The following ECT2L variants were observed in gnomAD, a reference collection of about 807,000 sequenced individuals.
ECT2L encodes epithelial cell transforming 2 like.
A neutral mutation model predicts 122.8 loss-of-function variants in ECT2L; 126 were observed. That is an observed-to-expected ratio of 1.03 (90% CI 0.89 to 1.19). The LOEUF is 1.19. Among genes scored for constraint, ECT2L ranks in the 50% most tolerant of loss-of-function variants. ECT2L has a pLI of 0.00. For missense variants in ECT2L, 1,012 were observed against 1,064.1 expected (o/e 0.95, Z 0.68); for synonymous variants, 385 against 381.8 (o/e 1.01, Z -0.10).
chr6:138,890,533 T>C (rs1205060146), intron 20 of ECT2L, among the ~76,000 whole-genome samples: 2 of 125,144 alleles, frequency 1.6e-5, no homozygotes, highest in Non-Finnish European at 3.2e-5. Flanking sequence ...TCAGTAGCAA[T>C]AGAAAACAGC....
intron 9 of ECT2L, 83 bp from the exon 10 acceptor site, chr6:138,853,943 G>C: frequency 6.8e-7 from 1 of 1,481,174 alleles, no homozygotes. Context: ...TTGATTTTGT[G>C]CTTACATTTT....
chr6:138,873,416 T>C (rs79148239), intron 13 of ECT2L, among the ~76,000 whole-genome samples: 2,287 of 152,166 alleles, frequency 0.015, 40 homozygotes, highest in African/African-American at 0.048. Context: ...TACATTAGGG[T>C]TTATTTTTAA....
intron 1 of ECT2L, among the ~76,000 whole-genome samples, chr6:138,805,293 A>G (rs1775678235): frequency 6.6e-6 from 1 of 152,114 alleles, no homozygotes; most frequent in Admixed American, 6.6e-5. Flanking sequence ...TTGGTGATAT[A>G]TTTTAGTCCA....
At chr6:138,819,503 T>C (rs1366884321) in intron 4 of ECT2L, among the ~76,000 whole-genome samples, 1 of 151,690 alleles carries the variant, frequency 6.6e-6, no homozygotes, top group African/African-American at 2.4e-5. Flanking sequence ...CCTACCCCAT[T>C]AGAATGATGG....
intron 1 of ECT2L, among the ~76,000 whole-genome samples, chr6:138,802,892 A>G (rs1444727308): frequency 6.6e-6 from 1 of 152,094 alleles, no homozygotes; most frequent in Admixed American, 6.6e-5. Context: ...CCTGGCCAAC[A>G]TGGTGAAACC....
In ECT2L at chr6:138,819,519, T is replaced by A. The variant is rs140978340; in HGVS notation, c.179+4916T>A. Among the ~76,000 whole-genome samples, 103 of 148,552 alleles carry A rather than the reference T, an allele frequency of 6.9e-4. 2 individuals are homozygous for A. The East Asian group carries it at 0.016, about 23-fold the overall frequency. ...CTACCCCATTAGAATGATGGCTCCA[T>A]GATAGCAAAGACTTTGGTGACTCTT... On this transcript the variant is annotated intron_variant, in intron 4 of 21. Transcript: ENST00000541398.
At chr6:138,832,394 T>A (rs888783634) in intron 4 of ECT2L, among the ~76,000 whole-genome samples, 1 of 152,190 alleles carries the variant, frequency 6.6e-6, no homozygotes, top group African/African-American at 2.4e-5. Flanking sequence ...GGAGGATAAC[T>A]GCCCTGGGTT....
intron 4 of ECT2L, among the ~76,000 whole-genome samples, chr6:138,836,390 G>A (rs1776840963): frequency 6.7e-6 from 1 of 150,308 alleles, no homozygotes; most frequent in South Asian, 2.1e-4. Flanking sequence ...CCATGTTCAA[G>A]CGATTCTCCT....
chr6:138,861,866 C>T (rs1451674815), intron 10 of ECT2L, among the ~76,000 whole-genome samples: 1 of 152,174 alleles, frequency 6.6e-6, no homozygotes, highest in African/African-American at 2.4e-5. Flanking sequence ...AATCTGTCCT[C>T]TTACAATGAG....
At position 138,842,439 on chromosome 6, in the gene ECT2L, C is replaced by T. The variant is rs189669469; in HGVS notation, c.343-540C>T. ...TCGCGCCACTGCACTCCAGCCTGGG[C>T]GACAGAGCAGGACTCCATCTCAAAA... is the stretch of plus-strand genomic sequence containing the variant. On this transcript the variant is annotated intron_variant, in intron 5 of 21. Transcript: ENST00000541398. Among the ~76,000 whole-genome samples, 376 of 150,896 alleles carry T rather than the reference C, an allele frequency of 2.5e-3. 2 individuals are homozygous for T. The highest frequency in any genetic ancestry group is 4.3e-3 in the Non-Finnish European group (294 of 67,850).
At chr6:138,838,594 C>T in intron 5 of ECT2L, 80 bp downstream of exon 5, 3 of 1,402,858 alleles carry the variant, frequency 2.1e-6, no homozygotes, top group Non-Finnish European at 2.8e-6. Context: ...TAGCTCCCGT[C>T]CCTGAAGACA....
intron 13 of ECT2L, among the ~76,000 whole-genome samples, chr6:138,868,680 G>A (rs757816415): frequency 6.6e-6 from 1 of 152,072 alleles, no homozygotes; most frequent in Non-Finnish European, 1.5e-5. Context: ...TCAGTAATTC[G>A]GCTGGGGATG....
intron 10 of ECT2L, among the ~76,000 whole-genome samples, chr6:138,859,999 A>AT (rs2128398063): frequency 6.6e-6 from 1 of 152,010 alleles, no homozygotes; most frequent in East Asian, 1.9e-4. Flanking sequence ...ATTTTTTAAT[A>AT]TTTTTAGTAG....
intron 4 of ECT2L, among the ~76,000 whole-genome samples, chr6:138,818,033 T>G (rs1776128491): frequency 6.6e-6 from 1 of 152,200 alleles, no homozygotes; most frequent in Non-Finnish European, 1.5e-5. Flanking sequence ...CTTGCCACAC[T>G]GGTGGAACCG....
Position 138,854,275 on chromosome 6 carries a change from T to G in ECT2L, c.1198+121T>G, listed in dbSNP as rs1230958650. 5.6e-6 allele frequency: 7 copies of G among 1,243,326 alleles called. No individual in the cohort carries two copies. The African/African-American group carries it at 1.0e-4, about 19-fold the overall frequency. 77.0% of individuals were successfully genotyped at this position (1,243,326 alleles called of 1,614,324 possible). ...TCACATTTCACGCTTCAATTTCTTTTTTCTTTGTACTTCACATATCCAGGT... is the reference window on the plus strand; with the variant it reads ...TCACATTTCACGCTTCAATTTCTTTGTTCTTTGTACTTCACATATCCAGGT... On this transcript the variant is annotated intron_variant, in intron 10 of 21. Transcript: ENST00000541398.
At chr6:138,887,362 G>A (rs770909199) in intron 19 of ECT2L, among the ~76,000 whole-genome samples, 1 of 151,970 alleles carries the variant, frequency 6.6e-6, no homozygotes. Context: ...GAGTAGCTGG[G>A]ACTACAGGTG....
intron 4 of ECT2L, among the ~76,000 whole-genome samples, chr6:138,819,740 A>C (rs1776205259): frequency 6.6e-6 from 1 of 152,092 alleles, no homozygotes; most frequent in South Asian, 2.1e-4. Context: ...AAAAAAAATT[A>C]GCCGGGCGTG....
At chr6:138,857,106 C>T (rs1025595157) in intron 10 of ECT2L, among the ~76,000 whole-genome samples, 1 of 152,166 alleles carries the variant, frequency 6.6e-6, no homozygotes, top group African/African-American at 2.4e-5. Flanking sequence ...TGGAATCTAG[C>T]CCGTTGCCTT....
At chr6:138,875,623 G>A (rs1469269617) in intron 13 of ECT2L, among the ~76,000 whole-genome samples, 1 of 152,218 alleles carries the variant, frequency 6.6e-6, no homozygotes, top group Non-Finnish European at 1.5e-5. Context: ...GCCACAGCAA[G>A]AATAGTTAAC....
Sources: allele counts gnomAD v4.1 joint callset (sites outside exome capture counted in the v4.1 genomes callset), GRCh38; gene constraint gnomAD v4.1.1; transcripts MANE v1.5; gene names NCBI Gene and HGNC (gene_info 2026-07-23, HGNC 2026-07-21).